The following TMOD1 variants were observed in gnomAD, a reference collection of about 807,000 sequenced individuals.
TMOD1 encodes tropomodulin 1.
TMOD1 carries 17 observed loss-of-function variants against 40.6 expected under a neutral mutation model. That is an observed-to-expected ratio of 0.42 (90% CI 0.29 to 0.63). TMOD1 has a LOEUF of 0.63. Among genes scored for constraint, TMOD1 ranks in the 20% least tolerant of loss-of-function variants. The probability of loss-of-function intolerance (pLI) is 0.22; values close to 1 mark genes in which losing one functional copy is unlikely to be tolerated. For missense variants in TMOD1, 391 were observed against 447.6 expected, an observed-to-expected ratio of 0.87 and a Z score of 1.14; for synonymous variants, 181 against 175.0, an observed-to-expected ratio of 1.03 and a Z score of -0.27.
At chr9:97,568,429 A>G (rs1830766168) in intron 7 of TMOD1, among the ~76,000 whole-genome samples, 1 of 152,222 alleles carries the variant, frequency 6.6e-6, no homozygotes, top group African/African-American at 2.4e-5. Context: ...TTGAGAGGGT[A>G]GGCTACAGCT....
intron 3 of TMOD1, among the ~76,000 whole-genome samples, chr9:97,548,821 G>A (rs1313042743): frequency 6.6e-6 from 1 of 152,186 alleles, no homozygotes; most frequent in East Asian, 1.9e-4. Flanking sequence ...TCATCTTGGA[G>A]TATTTGAATG....
chr9:97,517,168 A>C (rs1441233889), intron 1 of TMOD1, among the ~76,000 whole-genome samples: 2 of 151,820 alleles, frequency 1.3e-5, no homozygotes, highest in Non-Finnish European at 2.9e-5. Context: ...GCAACATAGC[A>C]AGACCTCATC....
chr9:97,559,795 ATATATATATATATATAT>A (rs1830601209), intron 4 of TMOD1, among the ~76,000 whole-genome samples: 1 of 11,094 alleles, frequency 9.0e-5, no homozygotes, highest in Admixed American at 1.4e-3. Context: ...AAAAAAAAAA[ATATATATATATATATAT>A]ATATATATAT....
intron 8 of TMOD1, among the ~76,000 whole-genome samples, chr9:97,576,728 G>T (rs1587954460): frequency 6.6e-6 from 1 of 151,998 alleles, no homozygotes; most frequent in South Asian, 2.1e-4. Flanking sequence ...CCGCCTCCCA[G>T]GTTCACGCCA....
At position 97,569,051 on chromosome 9, in the gene TMOD1, C is replaced by A. The variant is rs376637392; in HGVS notation, c.870+14C>A. ...ATTGACAACCAGGTGAGATGGGCAA[C>A]GGTCTCCTCAGGTCTGTTACTACAT... On this transcript the variant is annotated intron_variant, in intron 8 of 9. Coordinates refer to ENST00000259365, the MANE Select transcript of TMOD1 (RefSeq NM_003275.4). The A allele has an allele frequency of 8.1e-6, 13 of 1,613,702 alleles. No homozygotes were observed. Among genetic ancestry groups the A allele is most frequent in the African/African-American group, 5.3e-5 (4 of 74,894 alleles).
In TMOD1 at chr9:97,502,409, G is replaced by A. The variant is rs34505550; in HGVS notation, c.-49+606G>A. ...ACCACGACACGCGCTACGCGGCCAA[G>A]TGGAGCTGGAAAGAGCTTGGAGGCG... is the stretch of plus-strand genomic sequence containing the variant. On this transcript the variant is annotated intron_variant, in intron 1 of 9. Transcript: ENST00000259365. The surrounding 1 kb of genome is among the most constrained non-coding windows in gnomAD (Gnocchi z 6.1). Among the ~76,000 whole-genome samples the A allele has an allele frequency of 0.18, 26,825 of 152,202 alleles. 2,518 individuals are homozygous for A. The highest frequency in any genetic ancestry group is 0.25 in the East Asian group (1,306 of 5,146).
In TMOD1 at chr9:97,559,772, TA is replaced by T. The variant is rs58522887; in HGVS notation, c.398-2937del. ...AGAGCGAGACTCCGCCTCAAAAATT[TA>T]AAAAAAAAAAAAAAAAAAAAAATAT... On this transcript the variant is annotated intron_variant, in intron 4 of 9. Transcript: ENST00000259365. Among the ~76,000 whole-genome samples, 87 of 36,838 alleles carry T rather than the reference TA, an allele frequency of 2.4e-3. 1 individual carries two copies. Among genetic ancestry groups the T allele is most frequent in the African/African-American group, 3.5e-3 (31 of 8,940 alleles). The allele number at this position is 36,838 out of a possible 152,430, so 24.2% of individuals were successfully genotyped here.
intron 4 of TMOD1, among the ~76,000 whole-genome samples, chr9:97,555,992 C>T (rs978176440): frequency 3.3e-5 from 5 of 151,840 alleles, no homozygotes; most frequent in Non-Finnish European, 7.4e-5. Context: ...GCTGGGGACC[C>T]GGGGAGGGGG....
intron 2 of TMOD1, among the ~76,000 whole-genome samples, chr9:97,540,137 T>C (rs1299377163): frequency 6.6e-6 from 1 of 152,194 alleles, no homozygotes; most frequent in Non-Finnish European, 1.5e-5. Flanking sequence ...TAGCTGTCAC[T>C]CTCCATCTCC....
intron 1 of TMOD1, among the ~76,000 whole-genome samples, chr9:97,503,825 T>C (rs1425786012): frequency 6.6e-6 from 1 of 152,164 alleles, no homozygotes; most frequent in African/African-American, 2.4e-5. Context: ...CAGAGGAACC[T>C]TGAGCAATGA....
chr9:97,579,848 G>A (rs1034708608), intron 8 of TMOD1, among the ~76,000 whole-genome samples: 1 of 152,140 alleles, frequency 6.6e-6, no homozygotes, highest in African/African-American at 2.4e-5. Flanking sequence ...ATTTCCTGGG[G>A]TCAGGATCAG....
At chr9:97,560,257 C>G (rs1174328542) in intron 4 of TMOD1, among the ~76,000 whole-genome samples, 1 of 152,008 alleles carries the variant, frequency 6.6e-6, no homozygotes, top group Non-Finnish European at 1.5e-5. Flanking sequence ...AGACGTGTAT[C>G]TAGATATGTC....
chr9:97,565,901 A>C lies in TMOD1; in HGVS notation c.672A>C (p.Ser224=). 1.2e-6 allele frequency: 2 copies of C among 1,614,188 alleles called. No homozygotes were observed. Among genetic ancestry groups the C allele is most frequent in the Non-Finnish European group, 8.5e-7 (1 of 1,180,034 alleles). Residue 224 remains serine, a synonymous_variant, in exon 7 of 10, where the codon TCA becomes TCC. Coordinates refer to ENST00000259365, the MANE Select transcript of TMOD1 (RefSeq NM_003275.4). ...ATGCAGAAGCCCTGAAAGAAAACTC[A>C]TATGTGAAGAAGTTCAGCATCGTGG... ...KAYAEALKEN[S]YVKKFSIVGT... is the part of the protein sequence containing the mutation.
At chr9:97,562,699 G>C (rs552131538) in intron 4 of TMOD1, 33 bp from the exon 5 acceptor site, 1 of 1,481,086 alleles carries the variant, frequency 6.8e-7, no homozygotes, top group South Asian at 1.4e-5. Context: ...TGTCTGCAGA[G>C]GCACATCATG....
chr9:97,533,681 A>G (rs895653529), intron 2 of TMOD1, among the ~76,000 whole-genome samples: 2 of 152,242 alleles, frequency 1.3e-5, no homozygotes, highest in African/African-American at 4.8e-5. Flanking sequence ...TGAGGTTTCA[A>G]GATAAAAGGG....
intron 1 of TMOD1, among the ~76,000 whole-genome samples, chr9:97,506,283 G>A (rs1247759466): frequency 6.6e-6 from 1 of 152,156 alleles, no homozygotes; most frequent in East Asian, 1.9e-4. Flanking sequence ...ATGTATCTCT[G>A]TCTCTGGCTA....
In TMOD1 at chr9:97,557,988, C is replaced by T. The variant is rs539955672; in HGVS notation, c.397+4588C>T. 1.7e-4 allele frequency among the ~76,000 whole-genome samples: 26 copies of T among 152,230 alleles called. No individual in the cohort carries two copies. The highest frequency in any genetic ancestry group is 5.3e-4 in the African/African-American group (22 of 41,534). Reference sequence around the variant, plus strand: ...TTCTCCCGTCACTCACTTCTGTTGACGTGGAGTGTGGCACAAAACCAAGTG... The same window carrying T: ...TTCTCCCGTCACTCACTTCTGTTGATGTGGAGTGTGGCACAAAACCAAGTG... On this transcript the variant is annotated intron_variant, in intron 4 of 9. Coordinates refer to ENST00000259365, the MANE Select transcript of TMOD1 (RefSeq NM_003275.4). The surrounding 1 kb of genome is among the most constrained non-coding windows in gnomAD (Gnocchi z 4.4).
In TMOD1 at chr9:97,532,996, C is replaced by T. The variant is rs578148058; in HGVS notation, c.120+8688C>T. ...GAGGCAAATGGGAGTTTGTCTAAAGCGCCCAGCATTTTCAGCTCCACTAAT... is the reference window on the plus strand; with the variant it reads ...GAGGCAAATGGGAGTTTGTCTAAAGTGCCCAGCATTTTCAGCTCCACTAAT... On this transcript the variant is annotated intron_variant, in intron 2 of 9. Transcript: ENST00000259365. Among the ~76,000 whole-genome samples, 11 of 152,300 alleles carry T rather than the reference C, an allele frequency of 7.2e-5. 1 individual carries two copies. The highest frequency in any genetic ancestry group is 1.0e-4 in the Non-Finnish European group (7 of 68,026).
chr9:97,505,238 GA>G (rs1017691357), intron 1 of TMOD1, among the ~76,000 whole-genome samples: 3 of 152,088 alleles, frequency 2.0e-5, no homozygotes, highest in Non-Finnish European at 4.4e-5. Flanking sequence ...TTCTTTCAGA[GA>G]AAAAAATGAT....
Sources: allele counts gnomAD v4.1 joint callset (sites outside exome capture counted in the v4.1 genomes callset), GRCh38; gene constraint gnomAD v4.1.1; non-coding constraint Gnocchi (gnomAD v3.1); transcripts MANE v1.5; gene names NCBI Gene and HGNC (gene_info 2026-07-23, HGNC 2026-07-21).